PTPRM: variants seen among roughly 807,000 people sequenced by gnomAD.
The protein encoded by PTPRM is protein tyrosine phosphatase receptor type M.
Under a neutral mutation model 186.7 loss-of-function variants are expected in PTPRM, and 47 were observed. The ratio of observed to expected loss-of-function variants is 0.25; its 90% CI spans 0.20 to 0.32. PTPRM has a LOEUF of 0.32. PTPRM is among the 10% of genes least tolerant of loss of function. The pLI is 1.00. For synonymous variants in PTPRM, 668 were observed against 674.9 expected (o/e 0.99, Z 0.16); for missense variants, 1,494 against 1,865.0 (o/e 0.80, Z 3.66).
intron 1 of PTPRM, among the ~76,000 whole-genome samples, chr18:7,742,794 T>C (rs2040909652): frequency 6.6e-6 from 1 of 152,226 alleles, no homozygotes; most frequent in African/African-American, 2.4e-5. Context: ...ACTTGAATCC[T>C]ACCAGCCAGA....
intron 1 of PTPRM, among the ~76,000 whole-genome samples, chr18:7,611,579 A>G (rs1023910747): frequency 3.9e-5 from 6 of 152,214 alleles, no homozygotes; most frequent in African/African-American, 1.2e-4. Flanking sequence ...GCCTAGGGGT[A>G]TAGTAGGCTT....
intron 2 of PTPRM, among the ~76,000 whole-genome samples, chr18:7,800,166 C>T (rs1568148060): frequency 6.6e-6 from 1 of 152,176 alleles, no homozygotes; most frequent in Non-Finnish European, 1.5e-5. Context: ...TCCCCCCCTT[C>T]AGTTGATAGC....
At chr18:8,304,822 T>A (rs1458399743) in intron 20 of PTPRM, among the ~76,000 whole-genome samples, 2 of 1,764 alleles carry the variant, frequency 1.1e-3, no homozygotes, top group Non-Finnish European at 0.029. Flanking sequence ...GTTGACTTTA[T>A]TTTTTTTTTT....
chr18:7,894,886 A>G (rs975369614), intron 3 of PTPRM, among the ~76,000 whole-genome samples: 1 of 152,218 alleles, frequency 6.6e-6, no homozygotes, highest in African/African-American at 2.4e-5. Context: ...ATTCTAAAAT[A>G]TTAATATAAG....
intron 7 of PTPRM, among the ~76,000 whole-genome samples, chr18:7,964,579 T>C (rs1412050622): frequency 6.6e-6 from 1 of 152,200 alleles, no homozygotes; most frequent in Non-Finnish European, 1.5e-5. Context: ...GGCTCCCGAA[T>C]GAATCCTAAG....
chr18:7,889,545 C>T (rs1181937140), intron 3 of PTPRM, among the ~76,000 whole-genome samples: 1 of 151,884 alleles, frequency 6.6e-6, no homozygotes, highest in Non-Finnish European at 1.5e-5. Flanking sequence ...TGCTATGTTG[C>T]CCAGGCTGGT....
intron 19 of PTPRM, among the ~76,000 whole-genome samples, chr18:8,291,868 A>AT (rs965289303): frequency 6.6e-6 from 1 of 151,076 alleles, no homozygotes; most frequent in Non-Finnish European, 1.5e-5. Context: ...AAAAAAAAAA[A>AT]GGAAGGAGGG....
chr18:7,769,082 C>T (rs185487478), intron 1 of PTPRM, among the ~76,000 whole-genome samples: 2 of 152,096 alleles, frequency 1.3e-5, no homozygotes, highest in South Asian at 2.1e-4. Flanking sequence ...CCTCATTGCT[C>T]TGTTCTGAGG....
At chr18:8,183,975 G>A (rs2146617082) in intron 14 of PTPRM, among the ~76,000 whole-genome samples, 1 of 152,258 alleles carries the variant, frequency 6.6e-6, no homozygotes, top group Non-Finnish European at 1.5e-5. Context: ...AGACTTCTGT[G>A]TTCTATCCCT....
At chr18:8,276,625 G>A (rs1048781181) in intron 19 of PTPRM, among the ~76,000 whole-genome samples, 2 of 152,154 alleles carry the variant, frequency 1.3e-5, no homozygotes, top group Non-Finnish European at 1.5e-5. Context: ...GCAGACATGA[G>A]GAAACTAATT....
chr18:7,633,047 A>C (rs930573595), intron 1 of PTPRM, among the ~76,000 whole-genome samples: 3 of 152,200 alleles, frequency 2.0e-5, no homozygotes, highest in African/African-American at 7.2e-5. Flanking sequence ...ATATTGAAGC[A>C]GAAAAACGGT....
intron 7 of PTPRM, among the ~76,000 whole-genome samples, chr18:7,985,550 C>A (rs921664409): frequency 3.4e-5 from 5 of 146,660 alleles, no homozygotes; most frequent in African/African-American, 1.2e-4. Context: ...TATACATATA[C>A]TGGTAGATAC....
chr18:7,607,836 C>G (rs2037572466), intron 1 of PTPRM, among the ~76,000 whole-genome samples: 1 of 152,252 alleles, frequency 6.6e-6, no homozygotes. Flanking sequence ...ATCAAAGCCC[C>G]CACACTGAAC....
At chr18:7,761,109 C>T (rs772997991) in intron 1 of PTPRM, among the ~76,000 whole-genome samples, 65 of 152,090 alleles carry the variant, frequency 4.3e-4, no homozygotes, top group Admixed American at 3.3e-4. Context: ...GTTTTTAGTT[C>T]CCTATATTTT....
In PTPRM at chr18:8,052,093, C is replaced by T. The variant is rs116049119; in HGVS notation, c.1133-17593C>T. 7.9e-3 allele frequency among the ~76,000 whole-genome samples: 1,196 copies of T among 152,274 alleles called. 15 individuals carry two copies. Among genetic ancestry groups the T allele is most frequent in the African/African-American group, 0.027 (1,129 of 41,560 alleles). ...CAGCTTCAGGAGGTCAGAAGTAGGGCCTGAGTATCTGCATTCCTAGTAAGC... is the reference window on the plus strand; with the variant it reads ...CAGCTTCAGGAGGTCAGAAGTAGGGTCTGAGTATCTGCATTCCTAGTAAGC... On this transcript the variant is annotated intron_variant, in intron 7 of 32. Transcript: ENST00000580170.
Position 7,958,947 on chromosome 18 carries a change from G to A in PTPRM, c.1132+3533G>A, listed in dbSNP as rs371448840. Among the ~76,000 whole-genome samples the A allele has an allele frequency of 9.2e-5, 14 of 152,268 alleles. No individual in the cohort carries two copies. The South Asian group carries it at 1.7e-3, about 18-fold the overall frequency. On this transcript the variant is annotated intron_variant, in intron 7 of 32. Coordinates refer to ENST00000580170, the MANE Select transcript of PTPRM (RefSeq NM_001105244.2). The stretch of plus-strand genomic sequence containing the variant: ...TTTGGGTGCTAGAGCCAGAGTCAGC[G>A]GTTGAGAACACAGGCTCTGGGAGCA...
chr18:7,906,412 G>A, intron 3 of PTPRM, 93 bp from the exon 4 acceptor site: 1 of 959,384 alleles, frequency 1.0e-6, no homozygotes, highest in Non-Finnish European at 1.6e-6. Flanking sequence ...ATTGGTGAAA[G>A]AATAAACGAA....
chr18:7,754,564 G>A (rs2041376956), intron 1 of PTPRM, among the ~76,000 whole-genome samples: 1 of 152,124 alleles, frequency 6.6e-6, no homozygotes, highest in South Asian at 2.1e-4. Context: ...CATATTACCT[G>A]GAATAATTGC....
intron 2 of PTPRM, among the ~76,000 whole-genome samples, chr18:7,843,946 G>A (rs552227161): frequency 1.1e-4 from 16 of 152,258 alleles, no homozygotes; most frequent in African/African-American, 3.9e-4. Context: ...GCTGCTGCTG[G>A]GATAACATAC....
Sources: allele counts gnomAD v4.1 joint callset (sites outside exome capture counted in the v4.1 genomes callset), GRCh38; gene constraint gnomAD v4.1.1; transcripts MANE v1.5; gene names NCBI Gene and HGNC (gene_info 2026-07-23, HGNC 2026-07-21).